ZP3: variants seen among roughly 807,000 people sequenced by gnomAD.
ZP3 encodes the protein zona pellucida glycoprotein 3, also known as zona pellucida sperm-binding protein 3.
In ZP3, 21 loss-of-function variants were observed where a neutral mutation model predicts 35.6. The observed-to-expected ratio is 0.59, with a 90% confidence interval of 0.42 to 0.85. The LOEUF (loss-of-function observed/expected upper bound fraction) is 0.85, where lower values mean the gene tolerates loss of function less well. Ranked by LOEUF, ZP3 falls within the 40% of genes least tolerant of loss-of-function variation. The probability of loss-of-function intolerance (pLI) is 0.00; values close to 1 mark genes in which losing one functional copy is unlikely to be tolerated. For missense variants in ZP3, 437 were observed against 536.5 expected (o/e 0.81, Z 1.83); for synonymous variants, 207 against 214.5 (o/e 0.96, Z 0.31).
chr7:76,412,789 C>T (rs1805280588), intron 1 of ZP3, among the ~76,000 whole-genome samples: 1 of 151,008 alleles, frequency 6.6e-6, no homozygotes. Context: ...GCGGAAGTTG[C>T]AGTGAGCTGA....
chr7:76,437,954 G>C (rs1284340820), intron 5 of ZP3, among the ~76,000 whole-genome samples: 1 of 152,182 alleles, frequency 6.6e-6, no homozygotes, highest in African/African-American at 2.4e-5. Context: ...TACTTGCAGG[G>C]CAGGTGGCTA....
intron 5 of ZP3, among the ~76,000 whole-genome samples, chr7:76,435,970 C>T (rs181005487): frequency 1.6e-3 from 235 of 151,406 alleles, no homozygotes; most frequent in Middle Eastern, 6.9e-3. Context: ...ATTATCCAAC[C>T]GCCTCAGCTT....
rs1346799063 is a variant in ZP3 at position 76,400,863 on chromosome 7, A to G, written c.-67+3066A>G. 12 of 1,226,804 alleles carry G rather than the reference A, an allele frequency of 9.8e-6. No individual in the cohort carries two copies. In the East Asian group the frequency reaches 2.8e-4, roughly 29 times the overall value. The allele number at this position is 1,226,804 out of a possible 1,614,324, so 76.0% of individuals were successfully genotyped here. On this transcript the variant is annotated intron_variant, in intron 1 of 8. Transcript: ENST00000336517. Reference sequence around the variant, plus strand: ...AACCTTGGGATCAATCCCTTCTGGAAAATGGGGAGACTACAGCTCCCCTGA... The same window carrying G: ...AACCTTGGGATCAATCCCTTCTGGAGAATGGGGAGACTACAGCTCCCCTGA...
exon 1 of ZP3, chr7:76,397,634 A>AT: frequency 1.2e-6 from 2 of 1,613,482 alleles, no homozygotes; most frequent in South Asian, 2.2e-5. Context: ...GTCCAGCAGG[A>AT]TGTGTCCGGT....
Position 76,405,289 on chromosome 7 carries a change from A to G in ZP3, c.-67+7492A>G, listed in dbSNP as rs1239053714. 4.0e-3 allele frequency among the ~76,000 whole-genome samples: 156 copies of G among 38,570 alleles called. 5 individuals carry two copies. The highest frequency in any genetic ancestry group is 0.021 in the African/African-American group (150 of 7,238). 25.3% of individuals were successfully genotyped at this position (38,570 alleles called of 152,430 possible). On this transcript the variant is annotated intron_variant, in intron 1 of 8. Transcript: ENST00000336517. The stretch of plus-strand genomic sequence containing the variant: ...CAGCTAATTATATATATATATATAT[A>G]TATATATATATATATATATATATAT...
At chr7:76,411,377 G>T (rs1055961145) in intron 1 of ZP3, among the ~76,000 whole-genome samples, 6 of 152,102 alleles carry the variant, frequency 3.9e-5, no homozygotes, top group African/African-American at 4.8e-5. Context: ...GACCAGCCTG[G>T]GCAACATAGG....
intron 2 of ZP3, 42 bp from the exon 3 acceptor site, chr7:76,432,885 G>GTGACC: frequency 2.6e-6 from 4 of 1,560,586 alleles, no homozygotes; most frequent in Non-Finnish European, 3.5e-6. Context: ...CCAGGTGGGT[G>GTGACC]TGACCTGAGG....
intron 1 of ZP3, among the ~76,000 whole-genome samples, chr7:76,419,630 TTTTC>T (rs1379859602): frequency 9.9e-5 from 15 of 152,028 alleles, no homozygotes; most frequent in East Asian, 5.8e-4. Context: ...CTTTCTTTCT[TTTTC>T]TTTCTTTCTT....
At chr7:76,409,883 A>T (rs973625063) in intron 1 of ZP3, among the ~76,000 whole-genome samples, 1 of 151,482 alleles carries the variant, frequency 6.6e-6, no homozygotes, top group Non-Finnish European at 1.5e-5. Context: ...GATCCAGCCC[A>T]GGAGTCCCGC....
chr7:76,425,104 A>T lies in ZP3; in HGVS notation c.140A>T (p.Gln47Leu), dbSNP rs768063875. ...TSVQPVLVEC[Q>L]EATLMVMVSK... is the part of the protein sequence containing the mutation. ...GTACAGCCCGTACTGGTGGAGTGTC[A>T]GGAGGCCACTCTGATGGTCATGGTC... is the stretch of plus-strand genomic sequence containing the variant. The change falls in exon 1 of 8, where the codon CAG becomes CTG. Residue 47 changes from glutamine to leucine, a missense_variant. Physicochemically the swap from Gln to Leu is moderately radical, Grantham distance 113. Coordinates refer to ENST00000394857, the MANE Select transcript of ZP3 (RefSeq NM_001110354.2). 4 of 1,613,796 alleles carry T rather than the reference A, an allele frequency of 2.5e-6. No homozygotes were observed. The African/African-American group carries it at 4.0e-5, about 16-fold the overall frequency.
Position 76,397,806 on chromosome 7 carries a change from C to A in ZP3, c.-67+9C>A. The A allele has an allele frequency of 6.3e-7, 1 of 1,597,634 alleles. No homozygotes were observed. Among genetic ancestry groups the A allele is most frequent in the East Asian group, 2.3e-5 (1 of 44,364 alleles). Reference sequence around the variant, plus strand: ...ACTCGGCCCTGACACAGGTTCGCGCCCCCTACCAGGCGTACGCTGCCCTCA... The same window carrying A: ...ACTCGGCCCTGACACAGGTTCGCGCACCCTACCAGGCGTACGCTGCCCTCA... On this transcript the variant is annotated intron_variant, in intron 1 of 8. Coordinates refer to the ZP3 transcript ENST00000336517.
At chr7:76,422,454 G>A (rs760077010), upstream of ZP3, among the ~76,000 whole-genome samples, 56 of 151,888 alleles carry the variant, frequency 3.7e-4, no homozygotes, top group Non-Finnish European at 6.8e-4. Context: ...TGAGGCAGGC[G>A]GATCACCTGA....
upstream of ZP3, among the ~76,000 whole-genome samples, chr7:76,420,826 C>T (rs1335120039): frequency 6.6e-6 from 1 of 152,036 alleles, no homozygotes; most frequent in Admixed American, 6.6e-5. Context: ...AAGATTGATA[C>T]ATATCCTCCC....
chr7:76,416,885 C>CAT (rs1485817540), intron 1 of ZP3, among the ~76,000 whole-genome samples: 2 of 139,740 alleles, frequency 1.4e-5, no homozygotes, highest in East Asian at 4.1e-4. Flanking sequence ...TACACACATA[C>CAT]ATATATATAC....
intron 1 of ZP3, among the ~76,000 whole-genome samples, chr7:76,408,392 G>A (rs1279543633): frequency 6.6e-6 from 1 of 152,120 alleles, no homozygotes; most frequent in Non-Finnish European, 1.5e-5. Flanking sequence ...CCATGAGGAG[G>A]GGGAAAGACA....
At chr7:76,423,069 A>AAGAT (rs1765498006), upstream of ZP3, among the ~76,000 whole-genome samples, 2 of 144,900 alleles carry the variant, frequency 1.4e-5, no homozygotes, top group African/African-American at 5.1e-5. Context: ...GAAAGAAAGA[A>AAGAT]AGAAAGAAAG....
intron 1 of ZP3, among the ~76,000 whole-genome samples, chr7:76,419,847 G>A (rs1805464993): frequency 7.0e-6 from 1 of 143,194 alleles, no homozygotes; most frequent in African/African-American, 2.6e-5. Context: ...CGCCAGGCTG[G>A]AGTGCAGTGG....
intron 5 of ZP3, among the ~76,000 whole-genome samples, chr7:76,437,370 T>C (rs1450015619): frequency 6.6e-6 from 1 of 152,162 alleles, no homozygotes; most frequent in Non-Finnish European, 1.5e-5. Context: ...GAGATGGGGT[T>C]TCACTATGTT....
chr7:76,426,237 A>G (rs969438020), intron 1 of ZP3, among the ~76,000 whole-genome samples: 3 of 152,164 alleles, frequency 2.0e-5, no homozygotes, highest in African/African-American at 7.2e-5. Context: ...AGACCAAGAA[A>G]TCCAGGCCAG....
Sources: allele counts gnomAD v4.1 joint callset (sites outside exome capture counted in the v4.1 genomes callset), GRCh38; gene constraint gnomAD v4.1.1; transcripts MANE v1.5; gene names NCBI Gene and HGNC (gene_info 2026-07-23, HGNC 2026-07-21).